Variants in PALD1 observed in about 807,000 individuals in gnomAD.
PALD1 encodes paladin.
A neutral mutation model predicts 96.0 loss-of-function variants in PALD1; 57 were observed. That is an observed-to-expected ratio of 0.59 (90% CI 0.48 to 0.74). The LOEUF is 0.74. Among genes scored for constraint, PALD1 ranks in the 30% least tolerant of loss-of-function variants. The pLI is 0.00. For missense variants in PALD1, 1,063 were observed against 1,143.7 expected, an observed-to-expected ratio of 0.93 and a Z score of 1.02; for synonymous variants, 464 against 473.6, an observed-to-expected ratio of 0.98 and a Z score of 0.26.
chr10:70,516,670 C>G (rs1846625658), intron 1 of PALD1, among the ~76,000 whole-genome samples: 1 of 152,116 alleles, frequency 6.6e-6, no homozygotes, highest in Admixed American at 6.6e-5. Flanking sequence ...CCTCCTGTCT[C>G]AGTCTTCTAA....
At chr10:70,462,991 A>G in the PALD1 span, among the ~76,000 whole-genome samples, 152 of 152,284 alleles carry the variant, frequency 1.0e-3, no homozygotes, top group African/African-American at 3.5e-3. Flanking sequence ...CATCACTCAC[A>G]TTCCACTGGA....
intron 1 of PALD1, among the ~76,000 whole-genome samples, chr10:70,523,292 G>A (rs963438859): frequency 2.0e-5 from 3 of 152,210 alleles, no homozygotes; most frequent in Non-Finnish European, 4.4e-5. Flanking sequence ...CTGTGGGGAC[G>A]GGCCCTGATG....
intron 1 of PALD1, among the ~76,000 whole-genome samples, chr10:70,490,247 G>A (rs944013915): frequency 6.6e-6 from 1 of 152,108 alleles, no homozygotes; most frequent in South Asian, 2.1e-4. Context: ...CTTTTTTAAA[G>A]GTCTCACTCT....
chr10:70,531,564 G>T (rs1846991609), intron 5 of PALD1, 110 bp downstream of exon 5: 3 of 1,072,014 alleles, frequency 2.8e-6, no homozygotes, highest in Non-Finnish European at 3.9e-6. Flanking sequence ...CCCCACTGTT[G>T]TGCCCTGCTT....
intron 18 of PALD1, among the ~76,000 whole-genome samples, chr10:70,553,951 C>T (rs1362749434): frequency 1.3e-5 from 2 of 152,208 alleles, no homozygotes; most frequent in Non-Finnish European, 2.9e-5. Context: ...ACATATTTTC[C>T]ACTGGGACAG....
At chr10:70,467,373 A>G in the PALD1 span, among the ~76,000 whole-genome samples, 11 of 111,446 alleles carry the variant, frequency 9.9e-5, no homozygotes, top group Admixed American at 6.4e-4. Flanking sequence ...GTCCCCCGGG[A>G]GGAGGTACCT....
chr10:70,521,362 A>G (rs1846732315), intron 1 of PALD1, among the ~76,000 whole-genome samples: 1 of 152,156 alleles, frequency 6.6e-6, no homozygotes, highest in Non-Finnish European at 1.5e-5. Flanking sequence ...GAAAATGGAC[A>G]CAATGAGGCC....
chr10:70,513,790 A>G (rs1322697804), intron 1 of PALD1, among the ~76,000 whole-genome samples: 1 of 152,158 alleles, frequency 6.6e-6, no homozygotes, highest in Non-Finnish European at 1.5e-5. Context: ...CCAATCTGAG[A>G]TCCCATAGAC....
intron 19 of PALD1, among the ~76,000 whole-genome samples, chr10:70,565,121 G>A (rs1384685949): frequency 6.6e-6 from 1 of 152,248 alleles, no homozygotes; most frequent in Non-Finnish European, 1.5e-5. Flanking sequence ...TACTAGGCAG[G>A]TCTAGCACAC....
intron 1 of PALD1, among the ~76,000 whole-genome samples, chr10:70,519,417 C>T (rs1846682904): frequency 6.6e-6 from 1 of 152,066 alleles, no homozygotes; most frequent in Non-Finnish European, 1.5e-5. Flanking sequence ...CTTGCCGTAT[C>T]CTCAGATGGT....
At chr10:70,530,671 G>A (rs1846973465) in intron 4 of PALD1, among the ~76,000 whole-genome samples, 1 of 152,182 alleles carries the variant, frequency 6.6e-6, no homozygotes, top group Non-Finnish European at 1.5e-5. Context: ...CTTCTTGAGT[G>A]CAGCTGCATC....
intron 1 of PALD1, among the ~76,000 whole-genome samples, chr10:70,514,127 G>A (rs7906794): frequency 0.026 from 3,987 of 152,304 alleles, 162 homozygotes; most frequent in African/African-American, 0.088. Context: ...TCTGCGGGCC[G>A]TCCGGTCATT....
intron 10 of PALD1, among the ~76,000 whole-genome samples, chr10:70,537,112 CT>C (rs1056446962): frequency 2.6e-3 from 375 of 143,950 alleles, no homozygotes; most frequent in Admixed American, 2.6e-3. Context: ...GGCTCCAGTT[CT>C]TTTTTTTTTT....
chr10:70,515,689 C>G (rs1846607407), intron 1 of PALD1, among the ~76,000 whole-genome samples: 1 of 152,194 alleles, frequency 6.6e-6, no homozygotes, highest in South Asian at 2.1e-4. Context: ...CACACATTCA[C>G]TGATTTCATC....
intron 10 of PALD1, 119 bp downstream of exon 10, chr10:70,534,962 T>G (rs1293054699): frequency 1.4e-6 from 1 of 707,892 alleles, no homozygotes; most frequent in Non-Finnish European, 2.5e-6. Flanking sequence ...GCGTCTCCCA[T>G]GAGAAGAGCA....
At position 70,555,670 on chromosome 10, in the gene PALD1, T is replaced by C. The variant is rs563184365; in HGVS notation, c.2262+8224T>C. Among the ~76,000 whole-genome samples the C allele has an allele frequency of 2.6e-5, 4 of 152,316 alleles. No individual in the cohort carries two copies. In the South Asian group the frequency reaches 8.3e-4, roughly 32 times the overall value. ...AGAAAAAAGACCAGAGAGCTCTGGC[T>C]CTGAGCCCCAGGCAGGGTCTTTCTC... On this transcript the variant is annotated intron_variant, in intron 18 of 19. Coordinates refer to ENST00000263563, the MANE Select transcript of PALD1 (RefSeq NM_014431.3).
At chr10:70,474,061 T>G (rs1236028423), upstream of PALD1, among the ~76,000 whole-genome samples, 1 of 152,166 alleles carries the variant, frequency 6.6e-6, no homozygotes, top group Non-Finnish European at 1.5e-5. Flanking sequence ...CTGAAGAATG[T>G]TCTGGAGCTA....
the PALD1 span, among the ~76,000 whole-genome samples, chr10:70,462,467 T>C: frequency 6.6e-6 from 1 of 152,246 alleles, no homozygotes; most frequent in Non-Finnish European, 1.5e-5. Context: ...TAATCAATGC[T>C]CAGTAAATGG....
At chr10:70,543,289 T>G (rs1217587771) in intron 17 of PALD1, among the ~76,000 whole-genome samples, 1 of 152,202 alleles carries the variant, frequency 6.6e-6, no homozygotes, top group African/African-American at 2.4e-5. Context: ...AACTAATCAC[T>G]TATAAGAGAG....
Sources: allele counts gnomAD v4.1 joint callset (sites outside exome capture counted in the v4.1 genomes callset), GRCh38; gene constraint gnomAD v4.1.1; transcripts MANE v1.5; gene names NCBI Gene and HGNC (gene_info 2026-07-23, HGNC 2026-07-21).